The following SLC71A2 variants were observed in gnomAD, a reference collection of about 807,000 sequenced individuals.
SLC71A2 encodes hippocampus abundant transcript-like 1.
the SLC71A2 span, chr9:94,438,577 G>A: frequency 1.2e-6 from 2 of 1,602,488 alleles, no homozygotes; most frequent in Admixed American, 1.7e-5. Context: ...TGAGTCACAT[G>A]TAAATTATAC....
chr9:94,422,526 T>C, the SLC71A2 span, among the ~76,000 whole-genome samples: 1 of 152,202 alleles, frequency 6.6e-6, no homozygotes, highest in Non-Finnish European at 1.5e-5. Flanking sequence ...TTGGGGTATA[T>C]ATCTGGGAGT....
chr9:94,396,813 C>A, the SLC71A2 span, among the ~76,000 whole-genome samples: 2 of 152,294 alleles, frequency 1.3e-5, no homozygotes, highest in South Asian at 4.1e-4. Context: ...TCTTCTTGCC[C>A]AGGCTGGAGT....
At chr9:94,378,113 G>A in the SLC71A2 span, among the ~76,000 whole-genome samples, 181 of 136,586 alleles carry the variant, frequency 1.3e-3, 1 homozygote, top group Non-Finnish European at 2.3e-3. Context: ...GCGACAGAGC[G>A]AGACTCCATT....
At chr9:94,431,835 A>G in the SLC71A2 span, among the ~76,000 whole-genome samples, 1 of 152,172 alleles carries the variant, frequency 6.6e-6, no homozygotes, top group Non-Finnish European at 1.5e-5. Context: ...TGACACCACT[A>G]GCTCCACTGG....
At chr9:94,423,262 T>TCA in the SLC71A2 span, among the ~76,000 whole-genome samples, 1 of 107,658 alleles carries the variant, frequency 9.3e-6, no homozygotes, top group Non-Finnish European at 1.9e-5. Context: ...GTTCTCTCTC[T>TCA]CTCTTTTTTT....
the SLC71A2 span, among the ~76,000 whole-genome samples, chr9:94,439,764 CT>C: frequency 6.6e-6 from 1 of 151,658 alleles, no homozygotes; most frequent in African/African-American, 2.4e-5. Context: ...AATATTTTTT[CT>C]TTAGATCTTA....
the SLC71A2 span, among the ~76,000 whole-genome samples, chr9:94,419,443 G>A: frequency 4.0e-5 from 6 of 151,772 alleles, no homozygotes; most frequent in East Asian, 3.9e-4. Context: ...ATAGGTGCCC[G>A]CCACCATGCC....
chr9:94,455,400 T>G, the SLC71A2 span, among the ~76,000 whole-genome samples: 1 of 118,596 alleles, frequency 8.4e-6, no homozygotes, highest in Non-Finnish European at 1.7e-5. Context: ...TTTTTTTTTG[T>G]AAAGACAAGG....
the SLC71A2 span, chr9:94,460,848 T>G: frequency 2.0e-5 from 3 of 152,350 alleles, no homozygotes; most frequent in South Asian, 6.2e-4. Flanking sequence ...AGAGATAACA[T>G]ATCTTTTTAC....
chr9:94,382,418 T>G, the SLC71A2 span, among the ~76,000 whole-genome samples: 3 of 151,734 alleles, frequency 2.0e-5, no homozygotes, highest in Non-Finnish European at 4.4e-5. Context: ...TGGTTGGTTG[T>G]TTTCTTGTAA....
At chr9:94,378,674 GAGA>G in the SLC71A2 span, among the ~76,000 whole-genome samples, 1 of 152,126 alleles carries the variant, frequency 6.6e-6, no homozygotes, top group African/African-American at 2.4e-5. Context: ...TCATTACTGT[GAGA>G]AGGACACCAA....
the SLC71A2 span, among the ~76,000 whole-genome samples, chr9:94,452,660 TATATATTCATATATATTC>T: frequency 5.5e-3 from 304 of 55,592 alleles, 1 homozygote; most frequent in Admixed American, 6.7e-3. Context: ...TATATATTCA[TATATATTCATATATATTC>T]ATATATTCAT....
chr9:94,450,946 C>CG, the SLC71A2 span, among the ~76,000 whole-genome samples: 2 of 152,098 alleles, frequency 1.3e-5, no homozygotes, highest in Non-Finnish European at 2.9e-5. Context: ...TACCTGTGCC[C>CG]GGGTCATACC....
chr9:94,424,521 C>T, the SLC71A2 span, among the ~76,000 whole-genome samples: 1 of 152,032 alleles, frequency 6.6e-6, no homozygotes, highest in Non-Finnish European at 1.5e-5. Flanking sequence ...AGGTGTGAGC[C>T]ACTGCGCCCA....
At chr9:94,403,787 A>G in the SLC71A2 span, among the ~76,000 whole-genome samples, 8 of 152,218 alleles carry the variant, frequency 5.3e-5, no homozygotes, top group African/African-American at 1.4e-4. Context: ...ATTCCTACCA[A>G]CAGTGTGCAA....
chr9:94,401,302 G>A, the SLC71A2 span, among the ~76,000 whole-genome samples: 1 of 152,064 alleles, frequency 6.6e-6, no homozygotes, highest in Non-Finnish European at 1.5e-5. Flanking sequence ...CTCCCAAGTA[G>A]CTGGGATTAC....
the SLC71A2 span, among the ~76,000 whole-genome samples, chr9:94,384,728 C>A: frequency 6.6e-6 from 1 of 152,054 alleles, no homozygotes; most frequent in Non-Finnish European, 1.5e-5. Context: ...GATATTAACT[C>A]CCTGCTATGG....
chr9:94,382,821 C>T, the SLC71A2 span, among the ~76,000 whole-genome samples: 2 of 152,156 alleles, frequency 1.3e-5, no homozygotes, highest in Admixed American at 6.5e-5. Context: ...GGACTACAGG[C>T]ATCCGCCACC....
chr9:94,417,206 A>G, the SLC71A2 span, among the ~76,000 whole-genome samples: 1 of 152,226 alleles, frequency 6.6e-6, no homozygotes, highest in African/African-American at 2.4e-5. Flanking sequence ...AAATTATGGT[A>G]AAATACACAT....
Sources: allele counts gnomAD v4.1 joint callset (sites outside exome capture counted in the v4.1 genomes callset), GRCh38; gene constraint gnomAD v4.1.1; transcripts MANE v1.5; gene names NCBI Gene and HGNC (gene_info 2026-07-23, HGNC 2026-07-21).